The following C1QTNF7 variants were observed in gnomAD, a reference collection of about 807,000 sequenced individuals.
C1QTNF7 encodes complement C1q tumor necrosis factor-related protein 7.
A neutral mutation model predicts 19.6 loss-of-function variants in C1QTNF7; 15 were observed. That is an observed-to-expected ratio of 0.76 (90% CI 0.51 to 1.18). The LOEUF (loss-of-function observed/expected upper bound fraction) is 1.18, where lower values mean the gene tolerates loss of function less well. Among genes scored for constraint, C1QTNF7 ranks in the 50% most tolerant of loss-of-function variants. The pLI is 0.00. For missense variants in C1QTNF7, 324 were observed against 359.7 expected (o/e 0.90, Z 0.80); for synonymous variants, 142 against 137.5 (o/e 1.03, Z -0.23).
intron 1 of C1QTNF7, among the ~76,000 whole-genome samples, chr4:15,362,262 T>C (rs190894591): frequency 2.6e-5 from 4 of 152,298 alleles, no homozygotes; most frequent in African/African-American, 7.2e-5. Flanking sequence ...CCTCAATGGC[T>C]GAGAAATTCC....
chr4:15,394,037 G>T (rs2108901999), intron 1 of C1QTNF7, among the ~76,000 whole-genome samples: 1 of 152,340 alleles, frequency 6.6e-6, no homozygotes, highest in Non-Finnish European at 1.5e-5. Flanking sequence ...GGAAGGGAAA[G>T]GCTCACAGAT....
intron 1 of C1QTNF7, among the ~76,000 whole-genome samples, chr4:15,373,588 G>A (rs1026053340): frequency 1.3e-5 from 2 of 152,186 alleles, no homozygotes; most frequent in African/African-American, 4.8e-5. Context: ...GTTTTGGAAC[G>A]TTTAAATGAC....
intron 1 of C1QTNF7, among the ~76,000 whole-genome samples, chr4:15,415,640 A>ATATTC (rs1373530042): frequency 8.9e-5 from 11 of 123,958 alleles, no homozygotes; most frequent in Non-Finnish European, 1.7e-4. Flanking sequence ...TATATATATT[A>ATATTC]GAGATGGGTT....
intron 1 of C1QTNF7, chr4:15,374,869 C>CTTT (rs36042951): frequency 1.5e-4 from 74 of 509,458 alleles, no homozygotes; most frequent in African/African-American, 9.5e-4. Flanking sequence ...CTCTCTCTCT[C>CTTT]TCTTTTTTTT....
At chr4:15,377,683 A>G (rs4698104) in intron 1 of C1QTNF7, among the ~76,000 whole-genome samples, 73,038 of 151,992 alleles carry the variant, frequency 0.48, 19,176 homozygotes, top group African/African-American at 0.69. Flanking sequence ...AGGTCATGGA[A>G]AGGGTGGTGG....
At chr4:15,430,809 A>G (rs1210001288) in intron 1 of C1QTNF7, among the ~76,000 whole-genome samples, 1 of 152,204 alleles carries the variant, frequency 6.6e-6, no homozygotes, top group Non-Finnish European at 1.5e-5. Context: ...TTTTTATCAG[A>G]AACATTCTGA....
At chr4:15,385,028 T>C (rs919651461) in intron 1 of C1QTNF7, among the ~76,000 whole-genome samples, 1 of 152,234 alleles carries the variant, frequency 6.6e-6, no homozygotes, top group Non-Finnish European at 1.5e-5. Flanking sequence ...TCTTGAACAC[T>C]GGTTCTCTCC....
chr4:15,350,058 G>A (rs1322840857), intron 1 of C1QTNF7, among the ~76,000 whole-genome samples: 2 of 140,440 alleles, frequency 1.4e-5, no homozygotes, highest in African/African-American at 5.4e-5. Context: ...AAGAAGGGAG[G>A]AAGGGAAGAA....
intron 1 of C1QTNF7, among the ~76,000 whole-genome samples, chr4:15,413,314 C>T (rs1241709526): frequency 1.2e-4 from 18 of 152,194 alleles, no homozygotes; most frequent in Admixed American, 1.2e-3. Context: ...ACTGCTATTG[C>T]ACTAGCTCTG....
rs112224980 is a variant in C1QTNF7, at chr4:15,419,497, T to C, written c.14-16239T>C. The stretch of plus-strand genomic sequence containing the variant: ...GCACACAGCAACAGTGTATAGGTAC[T>C]ATTACAAATCTTTGAACAGAAGACC... On this transcript the variant is annotated intron_variant, in intron 1 of 2. Transcript: ENST00000295297. Among the ~76,000 whole-genome samples the C allele has an allele frequency of 4.1e-4, 63 of 152,292 alleles. 1 individual carries two copies. Among genetic ancestry groups the C allele is most frequent in the African/African-American group, 1.3e-3 (56 of 41,556 alleles).
At chr4:15,406,504 G>T (rs1719200398) in intron 1 of C1QTNF7, among the ~76,000 whole-genome samples, 1 of 152,174 alleles carries the variant, frequency 6.6e-6, no homozygotes, top group Non-Finnish European at 1.5e-5. Context: ...CAACACAAGG[G>T]ACTCTGTAAA....
intron 1 of C1QTNF7, among the ~76,000 whole-genome samples, chr4:15,413,068 G>A (rs963206347): frequency 6.6e-6 from 1 of 152,182 alleles, no homozygotes; most frequent in African/African-American, 2.4e-5. Flanking sequence ...TGACTTCAAA[G>A]CCCAGTTAGT....
intron 1 of C1QTNF7, among the ~76,000 whole-genome samples, chr4:15,420,352 T>C (rs1393214713): frequency 2.0e-5 from 3 of 152,226 alleles, no homozygotes; most frequent in African/African-American, 7.2e-5. Flanking sequence ...AAGGAGAGTG[T>C]TTCTGATCAC....
chr4:15,367,013 G>A (rs1196636828), intron 1 of C1QTNF7, among the ~76,000 whole-genome samples: 1 of 152,120 alleles, frequency 6.6e-6, no homozygotes, highest in African/African-American at 2.4e-5. Flanking sequence ...ATTTACATAG[G>A]GGGTGCATCT....
chr4:15,434,314 T>G (rs1043921874), intron 1 of C1QTNF7, among the ~76,000 whole-genome samples: 8 of 152,244 alleles, frequency 5.3e-5, no homozygotes, highest in African/African-American at 1.9e-4. Flanking sequence ...TTTCTTAGTT[T>G]GTCATTCCTA....
At chr4:15,420,087 C>T (rs1711677864) in intron 1 of C1QTNF7, 1 of 152,318 alleles carries the variant, frequency 6.6e-6, no homozygotes, top group East Asian at 1.9e-4. Flanking sequence ...TCTAAGTTCC[C>T]CAAGAAAGCT....
At chr4:15,356,052 G>A (rs936768527) in intron 1 of C1QTNF7, among the ~76,000 whole-genome samples, 1 of 151,118 alleles carries the variant, frequency 6.6e-6, no homozygotes, top group Non-Finnish European at 1.5e-5. Flanking sequence ...GCCCAGGCTT[G>A]GTAATGGTTT....
At chr4:15,363,856 A>T (rs928524308) in intron 1 of C1QTNF7, among the ~76,000 whole-genome samples, 16 of 152,230 alleles carry the variant, frequency 1.1e-4, no homozygotes, top group African/African-American at 3.9e-4. Flanking sequence ...ATCCAGAAAG[A>T]TGTAAAATGT....
chr4:15,396,938 C>T (rs1357236904), intron 1 of C1QTNF7, among the ~76,000 whole-genome samples: 2 of 152,118 alleles, frequency 1.3e-5, no homozygotes, highest in Non-Finnish European at 2.9e-5. Context: ...TGAGACTGGG[C>T]AATTTACAAA....
Sources: allele counts gnomAD v4.1 joint callset (sites outside exome capture counted in the v4.1 genomes callset), GRCh38; gene constraint gnomAD v4.1.1; transcripts MANE v1.5; gene names NCBI Gene and HGNC (gene_info 2026-07-23, HGNC 2026-07-21).